The following PI4KA variants were observed in gnomAD, a reference collection of about 807,000 sequenced individuals.
PI4KA encodes the protein PI4-kinase alpha.
In PI4KA, 122 loss-of-function variants were observed where a neutral mutation model predicts 271.4. The ratio of observed to expected loss-of-function variants is 0.45; its 90% CI spans 0.39 to 0.52. The LOEUF (loss-of-function observed/expected upper bound fraction) is 0.52, where lower values mean the gene tolerates loss of function less well. Ranked by LOEUF, PI4KA falls within the 20% of genes least tolerant of loss-of-function variation. The pLI is 0.00. For missense variants in PI4KA, 1,969 were observed against 2,769.1 expected (o/e 0.71, Z 6.48); for synonymous variants, 1,041 against 1,078.8 (o/e 0.96, Z 0.69).
At chr22:20,830,557 T>C (rs1924025052) in intron 3 of PI4KA, among the ~76,000 whole-genome samples, 1 of 152,210 alleles carries the variant, frequency 6.6e-6, no homozygotes, top group African/African-American at 2.4e-5. Context: ...GGGATTGGTC[T>C]CTTAAAGACA....
intron 1 of PI4KA, among the ~76,000 whole-genome samples, chr22:20,857,420 A>T (rs564149922): frequency 6.6e-6 from 1 of 152,216 alleles, no homozygotes; most frequent in Non-Finnish European, 1.5e-5. Context: ...AAAGTGCCTA[A>T]AACAGCCTTT....
At chr22:20,751,962 C>T (rs371333003) in intron 25 of PI4KA, among the ~76,000 whole-genome samples, 1 of 152,202 alleles carries the variant, frequency 6.6e-6, no homozygotes, top group African/African-American at 2.4e-5. Context: ...GCTCCCCAGG[C>T]CCCTGCCAGC....
At chr22:20,789,146 G>A (rs1050526166) in intron 19 of PI4KA, among the ~76,000 whole-genome samples, 1 of 152,058 alleles carries the variant, frequency 6.6e-6, no homozygotes, top group East Asian at 1.9e-4. Flanking sequence ...CAGGCTCTGA[G>A]CCAGGCTGCC....
intron 19 of PI4KA, chr22:20,784,249 T>C (rs763223495): frequency 7.4e-6 from 12 of 1,613,938 alleles, no homozygotes; most frequent in Non-Finnish European, 1.0e-5. Flanking sequence ...CAAACAGGTA[T>C]TTCACACTGT....
chr22:20,784,030 T>G, intron 19 of PI4KA: 1 of 1,614,010 alleles, frequency 6.2e-7, no homozygotes, highest in South Asian at 1.1e-5. Context: ...TCCGGCTGAA[T>G]GAGAGAGAGG....
chr22:20,855,954 C>G (rs1356722112), intron 1 of PI4KA, among the ~76,000 whole-genome samples: 1 of 152,174 alleles, frequency 6.6e-6, no homozygotes, highest in Non-Finnish European at 1.5e-5. Flanking sequence ...AAACAGCAGC[C>G]CCAGTGCTGC....
rs1928339260 is a variant in PI4KA, at chr22:20,733,675, T to C, written c.4160+61A>G. The C allele has an allele frequency of 3.7e-6, 6 of 1,613,334 alleles. No homozygotes were observed. The Admixed American group carries it at 8.3e-5, about 22-fold the overall frequency. On this transcript the variant is annotated intron_variant, in intron 35 of 54. Coordinates refer to ENST00000255882, the MANE Select transcript of PI4KA (RefSeq NM_058004.4). ...GTGACTTCCTGGGGGTTTGGGGCGA[T>C]GGAGCACTTGGAGGGGCTGCGCCGT...
In PI4KA at chr22:20,765,128, G is replaced by C. The variant is rs1420337435; in HGVS notation, c.2546C>G (p.Ser849Ter). Residue 849 changes from serine to a stop codon, truncating the protein, a stop_gained, in exon 21 of 55, where the codon TCA becomes TGA. Coordinates refer to ENST00000255882, the MANE Select transcript of PI4KA (RefSeq NM_058004.4). LOFTEE classifies it high-confidence loss of function. ...GGTGACCGTGTCATTCTTCATGGCTGAGTTATACTGGAGGACGGACCGCAG... is the reference window on the plus strand; with the variant it reads ...GGTGACCGTGTCATTCTTCATGGCTCAGTTATACTGGAGGACGGACCGCAG... ...EPLRSVLQYN[S>*]AMKNDTVTPA... The C allele has an allele frequency of 1.9e-6, 3 of 1,613,646 alleles. No individual in the cohort carries two copies. Among genetic ancestry groups the C allele is most frequent in the Non-Finnish European group, 2.5e-6 (3 of 1,179,820 alleles).
intron 19 of PI4KA, chr22:20,774,018 G>A (rs1289773446): frequency 2.0e-5 from 3 of 152,218 alleles, no homozygotes; most frequent in Non-Finnish European, 4.4e-5. Flanking sequence ...GTTGCCTGGT[G>A]TTTGGATTGG....
intron 19 of PI4KA, chr22:20,785,893 C>A: frequency 7.1e-7 from 1 of 1,409,616 alleles, no homozygotes; most frequent in Non-Finnish European, 1.0e-6. Flanking sequence ...TTAATAAGTG[C>A]TATATCAATT....
Position 20,820,614 on chromosome 22 carries a change from G to GT in PI4KA, c.457-4dup, listed in dbSNP as rs1224183423. ...ACCTGCAAAAGCACCTCTAAAATCTGTAACAGTCAAGGAAACAAGAAAAAA... is the reference window on the plus strand; with the variant it reads ...ACCTGCAAAAGCACCTCTAAAATCTGTTAACAGTCAAGGAAACAAGAAAAAA... On this transcript the variant is annotated splice_polypyrimidine_tract_variant and splice_region_variant and intron_variant, in intron 4 of 54. Transcript: ENST00000255882. The GT allele has an allele frequency of 3.8e-6, 6 of 1,590,452 alleles. No homozygotes were observed. Among genetic ancestry groups the GT allele is most frequent in the Admixed American group, 1.7e-5 (1 of 57,716 alleles).
chr22:20,793,396 C>A, intron 18 of PI4KA, 153 bp from the exon 19 acceptor site: 1 of 517,776 alleles, frequency 1.9e-6, no homozygotes, highest in South Asian at 3.1e-5. Context: ...GAGAGATGCT[C>A]ATCCAGCATA....
Position 20,707,929 on chromosome 22 carries a change from T to C in PI4KA, c.*118A>G, listed in dbSNP as rs368469973. On this transcript the variant is annotated 3_prime_UTR_variant, in exon 55 of 55. Coordinates refer to ENST00000255882, the MANE Select transcript of PI4KA (RefSeq NM_058004.4). The stretch of plus-strand genomic sequence containing the variant: ...GCCCCAGGAGGCGCTACCAGGTTCT[T>C]TGGGCCACAGGCCTCTCCTCCACTG... The C allele has an allele frequency of 6.9e-5, 65 of 938,396 alleles. No homozygotes were observed. The highest frequency in any genetic ancestry group is 8.5e-5 in the Non-Finnish European group (48 of 565,660). 58.1% of individuals were successfully genotyped at this position (938,396 alleles called of 1,614,324 possible). A position where few individuals can be genotyped will look rare whatever the true frequency, so the allele number is the denominator to read the frequency against.
chr22:20,827,818 G>A (rs559620375), intron 3 of PI4KA, among the ~76,000 whole-genome samples: 8 of 151,910 alleles, frequency 5.3e-5, no homozygotes, highest in Admixed American at 1.3e-4. Flanking sequence ...TTTTTGAGAT[G>A]GAGTCTCACT....
intron 23 of PI4KA, among the ~76,000 whole-genome samples, chr22:20,754,562 C>T (rs996947318): frequency 3.3e-5 from 5 of 152,204 alleles, no homozygotes; most frequent in African/African-American, 9.6e-5. Flanking sequence ...TAAGATTTTG[C>T]CCCTTCACTT....
chr22:20,771,199 C>T (rs1002491845), intron 19 of PI4KA, among the ~76,000 whole-genome samples: 3 of 151,824 alleles, frequency 2.0e-5, no homozygotes, highest in Non-Finnish European at 4.4e-5. Context: ...CCGATGCGGG[C>T]GGATCATGAG....
In PI4KA at chr22:20,845,728, G is replaced by A. The variant is rs1005320556; in HGVS notation, c.157-6997C>T. Among the ~76,000 whole-genome samples, 4 of 152,304 alleles carry A rather than the reference G, an allele frequency of 2.6e-5. No individual in the cohort carries two copies. The Middle Eastern group carries it at 0.01, about 389-fold the overall frequency. On this transcript the variant is annotated intron_variant, in intron 1 of 54. Coordinates refer to ENST00000255882, the MANE Select transcript of PI4KA (RefSeq NM_058004.4). Reference sequence around the variant, plus strand: ...AGAGATGCGCTTTTGAGCTGAGCGCGGTGGGAAGTGCCTGTAATCCCAGCT... The same window carrying A: ...AGAGATGCGCTTTTGAGCTGAGCGCAGTGGGAAGTGCCTGTAATCCCAGCT...
chr22:20,767,197 C>T lies in PI4KA; in HGVS notation c.2329-1504G>A, dbSNP rs550612468. Among the ~76,000 whole-genome samples, 257 of 152,246 alleles carry T rather than the reference C, an allele frequency of 1.7e-3. 2 individuals carry two copies. The highest frequency in any genetic ancestry group is 5.9e-3 in the African/African-American group (247 of 41,550). On this transcript the variant is annotated intron_variant, in intron 19 of 54. Coordinates refer to ENST00000255882, the MANE Select transcript of PI4KA (RefSeq NM_058004.4). The stretch of plus-strand genomic sequence containing the variant: ...GTGGCTCTTGCCTGTAATCCCAGCA[C>T]TTTGGGAGGCCGAGGCAGGTGGATC...
intron 19 of PI4KA, among the ~76,000 whole-genome samples, chr22:20,788,572 C>T (rs1193474527): frequency 3.9e-5 from 6 of 152,224 alleles, no homozygotes; most frequent in Non-Finnish European, 8.8e-5. Context: ...CCTGCTTTCC[C>T]CTGCTCCCTT....
Sources: allele counts gnomAD v4.1 joint callset (sites outside exome capture counted in the v4.1 genomes callset), GRCh38; gene constraint gnomAD v4.1.1; transcripts MANE v1.5; gene names NCBI Gene and HGNC (gene_info 2026-07-23, HGNC 2026-07-21).